The following KCNK2 variants were observed in gnomAD, a reference collection of about 807,000 sequenced individuals.
The protein encoded by KCNK2 is potassium two pore domain channel subfamily K member 2.
KCNK2 carries 21 observed loss-of-function variants against 40.5 expected under a neutral mutation model. The observed-to-expected ratio is 0.52, with a 90% CI of 0.37 to 0.75. The LOEUF is 0.75. KCNK2 is among the 30% of genes least tolerant of loss of function. The pLI is 0.00. For missense variants in KCNK2, 399 were observed against 531.6 expected, an observed-to-expected ratio of 0.75 and a Z score of 2.45; for synonymous variants, 191 against 202.2, an observed-to-expected ratio of 0.94 and a Z score of 0.47.
intron 6 of KCNK2, among the ~76,000 whole-genome samples, chr1:215,224,183 G>A (rs1404582781): frequency 1.3e-5 from 2 of 152,068 alleles, no homozygotes; most frequent in Non-Finnish European, 2.9e-5. Flanking sequence ...AGAACCTCCT[G>A]GGTATTAGCT....
chr1:215,215,945 G>A (rs1251596668), intron 6 of KCNK2, among the ~76,000 whole-genome samples: 1 of 152,034 alleles, frequency 6.6e-6, no homozygotes, highest in East Asian at 1.9e-4. Context: ...TTTTCTTCCT[G>A]TTTCTTAGGC....
intron 2 of KCNK2, among the ~76,000 whole-genome samples, chr1:215,120,686 A>G (rs1661152217): frequency 6.6e-6 from 1 of 152,188 alleles, no homozygotes; most frequent in Admixed American, 6.5e-5. Flanking sequence ...TGATGATCAC[A>G]AGCAACTCTT....
intron 5 of KCNK2, among the ~76,000 whole-genome samples, chr1:215,185,262 A>T (rs1664386896): frequency 6.6e-6 from 1 of 152,150 alleles, no homozygotes. Context: ...ATTTTTGCTG[A>T]TTCATCACTA....
intron 1 of KCNK2, among the ~76,000 whole-genome samples, chr1:215,010,866 TTTTG>T (rs1656355544): frequency 1.4e-5 from 2 of 142,766 alleles, no homozygotes; most frequent in Admixed American, 1.4e-4. Flanking sequence ...TTTTTTTTTT[TTTTG>T]TGTGTGTGTG....
intron 2 of KCNK2, among the ~76,000 whole-genome samples, chr1:215,119,553 A>G (rs1661090435): frequency 6.6e-6 from 1 of 152,158 alleles, no homozygotes; most frequent in South Asian, 2.1e-4. Flanking sequence ...ATACTTGTCT[A>G]TAAACGGAGG....
rs375258876 is a variant in KCNK2, at chr1:215,235,133, G to C, written c.1269G>C (p.Glu423Asp). ...CTGGTGAAGAGATTGCTGTGATTGA[G>C]AACATCAAATAGCCCTCTCTTTAAA... ...HCAGEEIAVI[E>D]NIK The change falls in exon 7 of 7, where the codon GAG becomes GAC. Residue 423 changes from glutamate (E) to aspartate (D), a missense_variant. Glu to Asp is a conservative substitution (Grantham distance 45). This residue lies in a region of KCNK2 where 103 missense variants were observed against 124.3 expected (regional missense o/e 0.83). Coordinates refer to ENST00000444842, the MANE Select transcript of KCNK2 (RefSeq NM_001017425.3). 527 of 1,595,648 alleles carry C rather than the reference G, an allele frequency of 3.3e-4. 8 individuals are homozygous for C. In the South Asian group the frequency reaches 5.6e-3, roughly 17 times the overall value.
At chr1:215,234,032 C>G (rs935072390) in intron 6 of KCNK2, among the ~76,000 whole-genome samples, 3 of 152,116 alleles carry the variant, frequency 2.0e-5, no homozygotes, top group African/African-American at 7.2e-5. Context: ...TTAGCTCAGC[C>G]ATCCTGTTAG....
intron 1 of KCNK2, among the ~76,000 whole-genome samples, chr1:215,054,961 G>A (rs6665770): frequency 0.024 from 3,675 of 152,260 alleles, 150 homozygotes; most frequent in African/African-American, 0.085. Flanking sequence ...CACAACTCAA[G>A]TGTTAAATCA....
Position 215,180,392 on chromosome 1 carries a change from C to T in KCNK2, c.823+8209C>T, listed in dbSNP as rs74501083. On this transcript the variant is annotated intron_variant, in intron 5 of 6. Coordinates refer to ENST00000444842, the MANE Select transcript of KCNK2 (RefSeq NM_001017425.3). ...AATATTGATATGTTAGGTTTTGATC[C>T]GATTATGTAGTTGTCAGTTGGTTGC... is the stretch of plus-strand genomic sequence containing the variant. 2.5e-3 allele frequency among the ~76,000 whole-genome samples: 380 copies of T among 151,992 alleles called. 1 individual carries two copies. The highest frequency in any genetic ancestry group is 4.6e-3 in the Non-Finnish European group (310 of 67,964).
intron 5 of KCNK2, among the ~76,000 whole-genome samples, chr1:215,174,423 C>T (rs891795702): frequency 1.3e-5 from 2 of 152,120 alleles, no homozygotes; most frequent in African/African-American, 4.8e-5. Context: ...CAGCTTTGTT[C>T]TTTTGGCTTA....
intron 2 of KCNK2, among the ~76,000 whole-genome samples, chr1:215,122,259 T>G (rs1399607403): frequency 6.6e-6 from 1 of 152,110 alleles, no homozygotes; most frequent in African/African-American, 2.4e-5. Flanking sequence ...TTTCCAAACA[T>G]TTAACATATG....
intron 2 of KCNK2, among the ~76,000 whole-genome samples, chr1:215,120,879 A>T (rs1661161195): frequency 6.6e-6 from 1 of 152,120 alleles, no homozygotes; most frequent in Admixed American, 6.6e-5. Context: ...ATATTTTCCA[A>T]AGTTATTTTT....
intron 3 of KCNK2, among the ~76,000 whole-genome samples, chr1:215,137,230 T>C (rs1453100264): frequency 6.6e-6 from 1 of 152,182 alleles, no homozygotes; most frequent in Non-Finnish European, 1.5e-5. Flanking sequence ...ACAAGGTCAA[T>C]ATCACGATGA....
rs534175638 is a variant in KCNK2 at position 215,055,803 on chromosome 1, G to A, written c.35-30565G>A. Among the ~76,000 whole-genome samples, 9 of 152,274 alleles carry A rather than the reference G, an allele frequency of 5.9e-5. No individual in the cohort carries two copies. The South Asian group carries it at 1.9e-3, about 32-fold the overall frequency. ...GACCTTTTGATGTACTTGAGAAATG[G>A]CTACAACCAATGAACGTGGAAATTT... On this transcript the variant is annotated intron_variant, in intron 1 of 6. Coordinates refer to the KCNK2 transcript ENST00000391895.
At chr1:215,041,067 G>A (rs1209954484) in intron 1 of KCNK2, among the ~76,000 whole-genome samples, 4 of 152,082 alleles carry the variant, frequency 2.6e-5, no homozygotes, top group Admixed American at 2.6e-4. Flanking sequence ...TCTTATTTCT[G>A]GCTAAATTAA....
chr1:215,186,101 A>C (rs2102654128), intron 5 of KCNK2, among the ~76,000 whole-genome samples: 1 of 152,290 alleles, frequency 6.6e-6, no homozygotes, highest in East Asian at 1.9e-4. Context: ...GAGCAAGAAA[A>C]GTAGATTTTC....
chr1:215,212,342 T>C (rs757093557), intron 6 of KCNK2, among the ~76,000 whole-genome samples: 4 of 152,168 alleles, frequency 2.6e-5, no homozygotes, highest in Non-Finnish European at 4.4e-5. Context: ...TAAGTATTAA[T>C]AACATTTTCA....
Position 215,083,230 on chromosome 1 carries a change from T to TCCCCCCCCCCCCCCCCCCCCCCCCCCCCC in KCNK2, c.-152_-151insCCCCCCCCCCCCCCCCCCCCCCCCCCCCC. 1.2e-6 allele frequency: 1 copy of TCCCCCCCCCCCCCCCCCCCCCCCCCCCCC among 828,158 alleles called. No individual in the cohort carries two copies. The highest frequency in any genetic ancestry group is 1.6e-6 in the Non-Finnish European group (1 of 612,938). The allele number at this position is 828,158 out of a possible 1,614,324, so 51.3% of individuals were successfully genotyped here. On this transcript the variant is annotated 5_prime_UTR_variant, in exon 1 of 7. Transcript: ENST00000444842. ...CCCCCTCCCGCGTCCAGCCCCGCTCTCCCCACCTTGTAAAACAAAGCCGGG... is the reference window on the plus strand; with the variant it reads ...CCCCCTCCCGCGTCCAGCCCCGCTCTCCCCCCCCCCCCCCCCCCCCCCCCCCCCCCCCCACCTTGTAAAACAAAGCCGGG...
chr1:215,221,945 C>T (rs980920778), intron 6 of KCNK2, among the ~76,000 whole-genome samples: 2 of 152,172 alleles, frequency 1.3e-5, no homozygotes, highest in African/African-American at 4.8e-5. Context: ...GCAGGTTGTA[C>T]AGGAAGCATC....
Sources: allele counts gnomAD v4.1 joint callset (sites outside exome capture counted in the v4.1 genomes callset), GRCh38; gene constraint gnomAD v4.1.1; regional missense constraint gnomAD v4.1.1; transcripts MANE v1.5; gene names NCBI Gene and HGNC (gene_info 2026-07-23, HGNC 2026-07-21).